RABEP1: variants seen among roughly 807,000 people sequenced by gnomAD.
The protein encoded by RABEP1 is rabaptin, RAB GTPase binding effector protein 1.
Under a neutral mutation model 123.4 loss-of-function variants are expected in RABEP1, and 51 were observed. That is an observed-to-expected ratio of 0.41 (90% CI 0.33 to 0.52). The LOEUF is 0.52. Ranked by LOEUF, RABEP1 falls within the 20% of genes least tolerant of loss-of-function variation. RABEP1 has a pLI of 0.16. For synonymous variants in RABEP1, 347 were observed against 355.2 expected (o/e 0.98, Z 0.26); for missense variants, 888 against 996.3 (o/e 0.89, Z 1.46).
At chr17:5,310,301 C>CTTTTTTTTTGTTTTTTTTTTTTTTTTTTT (rs2075224544) in intron 2 of RABEP1, among the ~76,000 whole-genome samples, 1 of 126,438 alleles carries the variant, frequency 7.9e-6, no homozygotes, top group Non-Finnish European at 1.6e-5. Context: ...AAGCTTCGTC[C>CTTTTTTTTTGTTTTTTTTTTTTTTTTTTT]TTTTTTTTTT....
intron 1 of RABEP1, among the ~76,000 whole-genome samples, chr17:5,299,706 C>CTT (rs1441449880): frequency 9.2e-6 from 1 of 109,106 alleles, no homozygotes; most frequent in African/African-American, 3.3e-5. Context: ...ATTTCTTTTT[C>CTT]TTTTTTTCTT....
At chr17:5,351,034 CT>C (rs1908500529) in intron 7 of RABEP1, among the ~76,000 whole-genome samples, 1 of 151,994 alleles carries the variant, frequency 6.6e-6, no homozygotes. Flanking sequence ...TTTTTGCAAT[CT>C]TTTTTGTTTG....
At chr17:5,367,384 GC>G (rs1910108056) in intron 11 of RABEP1, among the ~76,000 whole-genome samples, 1 of 151,612 alleles carries the variant, frequency 6.6e-6, no homozygotes, top group African/African-American at 2.4e-5. Context: ...CGATTCTCCT[GC>G]CTCAGCCTCC....
chr17:5,357,016 T>G (rs1360476059), intron 8 of RABEP1, among the ~76,000 whole-genome samples: 1 of 152,064 alleles, frequency 6.6e-6, no homozygotes, highest in Non-Finnish European at 1.5e-5. Context: ...TAGCTGGGAT[T>G]ACAGGCATGA....
chr17:5,325,160 AAAAC>A (rs998153999), intron 2 of RABEP1, among the ~76,000 whole-genome samples: 13 of 148,186 alleles, frequency 8.8e-5, no homozygotes, highest in African/African-American at 2.6e-4. Context: ...TAAAAAAGCA[AAAAC>A]AAACCAAAAA....
intron 3 of RABEP1, among the ~76,000 whole-genome samples, chr17:5,334,041 T>C (rs9901024): frequency 0.49 from 73,334 of 150,456 alleles, 19,286 homozygotes; most frequent in African/African-American, 0.7. Flanking sequence ...CAGGGTCTGT[T>C]ACCTAGTGGT....
chr17:5,293,198 A>G (rs1025109098), intron 1 of RABEP1, among the ~76,000 whole-genome samples: 29 of 152,010 alleles, frequency 1.9e-4, no homozygotes, highest in Non-Finnish European at 5.9e-5. Context: ...GAGGCACGAG[A>G]ATCGCTTGAA....
intron 2 of RABEP1, among the ~76,000 whole-genome samples, chr17:5,310,869 G>GT (rs1335877037): frequency 6.6e-6 from 1 of 150,854 alleles, no homozygotes; most frequent in Non-Finnish European, 1.5e-5. Flanking sequence ...AAGTGCAGTG[G>GT]TGTGATCTTG....
intron 1 of RABEP1, among the ~76,000 whole-genome samples, chr17:5,291,591 GT>G (rs1291454743): frequency 6.6e-6 from 1 of 152,048 alleles, no homozygotes; most frequent in Non-Finnish European, 1.5e-5. Flanking sequence ...TGTGTTGTAA[GT>G]TTTTTTGTTT....
chr17:5,291,154 TA>T (rs1347774592), intron 1 of RABEP1, among the ~76,000 whole-genome samples: 1 of 152,208 alleles, frequency 6.6e-6, no homozygotes, highest in Non-Finnish European at 1.5e-5. Flanking sequence ...CTCACACCTG[TA>T]ATCCTAGCAC....
At chr17:5,370,591 T>G (rs1209063441) in intron 12 of RABEP1, among the ~76,000 whole-genome samples, 3 of 152,216 alleles carry the variant, frequency 2.0e-5, no homozygotes. Context: ...ATCTGTCTTG[T>G]AGAATTCATT....
At chr17:5,308,630 T>C (rs887548385) in intron 1 of RABEP1, 64 bp from the exon 2 acceptor site, 2 of 1,450,740 alleles carry the variant, frequency 1.4e-6, no homozygotes, top group African/African-American at 2.9e-5. Context: ...AGAATACTAA[T>C]TTACTGTTTT....
chr17:5,366,860 C>T (rs367655690), intron 11 of RABEP1, among the ~76,000 whole-genome samples: 85 of 151,824 alleles, frequency 5.6e-4, no homozygotes, highest in Non-Finnish European at 7.4e-4. Flanking sequence ...GAGGCCGAGG[C>T]GGGCAGATTA....
chr17:5,316,061 A>G (rs2075292124), intron 2 of RABEP1, among the ~76,000 whole-genome samples: 1 of 152,206 alleles, frequency 6.6e-6, no homozygotes, highest in East Asian at 1.9e-4. Context: ...TCAACCTAAA[A>G]TTTTATATGC....
intron 17 of RABEP1, 152 bp from the exon 18 acceptor site, chr17:5,382,970 A>C: frequency 1.0e-4 from 61 of 593,310 alleles, no homozygotes; most frequent in East Asian, 2.5e-4. Flanking sequence ...GCTTTGGGGA[A>C]TTATTTTTAA....
At chr17:5,359,323 C>T (rs908103702) in intron 8 of RABEP1, among the ~76,000 whole-genome samples, 1 of 152,174 alleles carries the variant, frequency 6.6e-6, no homozygotes. Context: ...ATCTGCCCGC[C>T]TCGGCCTCCC....
Position 5,385,372 on chromosome 17 carries a change from G to A in RABEP1, c.*2149G>A, listed in dbSNP as rs561096138. The A allele has an allele frequency of 1.7e-5, 4 of 230,666 alleles. No individual in the cohort carries two copies. Among genetic ancestry groups the A allele is most frequent in the Middle Eastern group, 1.3e-3 (1 of 774 alleles). 14.3% of individuals were successfully genotyped at this position (230,666 alleles called of 1,614,324 possible). A position where few individuals can be genotyped will look rare whatever the true frequency, so the allele number is the denominator to read the frequency against. Reference sequence around the variant, plus strand: ...GCTTATATTCAGTCTGTGCCTACATGTTCTCATGCATGTCTAACCTGATTT... The same window carrying A: ...GCTTATATTCAGTCTGTGCCTACATATTCTCATGCATGTCTAACCTGATTT... On this transcript the variant is annotated 3_prime_UTR_variant, in exon 18 of 18. Transcript: ENST00000537505.
chr17:5,364,603 A>G (rs576562443), intron 10 of RABEP1, among the ~76,000 whole-genome samples: 2 of 151,948 alleles, frequency 1.3e-5, no homozygotes, highest in South Asian at 4.2e-4. Context: ...GTGGTGGTGC[A>G]TGCCTGTAAT....
chr17:5,374,040 C>T (rs952758747), intron 13 of RABEP1, among the ~76,000 whole-genome samples: 12 of 152,070 alleles, frequency 7.9e-5, no homozygotes, highest in African/African-American at 2.9e-4. Flanking sequence ...AGTTATAACA[C>T]ACTCACCATC....
Sources: allele counts gnomAD v4.1 joint callset (sites outside exome capture counted in the v4.1 genomes callset), GRCh38; gene constraint gnomAD v4.1.1; transcripts MANE v1.5; gene names NCBI Gene and HGNC (gene_info 2026-07-23, HGNC 2026-07-21).